Variants in CNTNAP4 observed in about 807,000 individuals in gnomAD.
The protein encoded by CNTNAP4 is contactin associated protein family member 4.
In CNTNAP4, 98 loss-of-function variants were observed where a neutral mutation model predicts 148.4. The ratio of observed to expected loss-of-function variants is 0.66; its 90% CI spans 0.56 to 0.78. The LOEUF (loss-of-function observed/expected upper bound fraction) is 0.78. CNTNAP4 is among the 30% of genes least tolerant of loss of function. The pLI is 0.00. For missense variants in CNTNAP4, 1,935 were observed against 1,565.6 expected, an observed-to-expected ratio of 1.24 and a Z score of -3.98; for synonymous variants, 730 against 565.1, an observed-to-expected ratio of 1.29 and a Z score of -4.14.
At chr16:76,528,882 G>A (rs12932312) in intron 17 of CNTNAP4, among the ~76,000 whole-genome samples, 30,197 of 152,112 alleles carry the variant, frequency 0.2, 3,114 homozygotes, top group Non-Finnish European at 0.22. Flanking sequence ...TACATCACCC[G>A]AGCAATACAG....
chr16:76,501,457 C>T (rs1465152635), intron 15 of CNTNAP4, among the ~76,000 whole-genome samples: 2 of 152,160 alleles, frequency 1.3e-5, no homozygotes, highest in African/African-American at 4.8e-5. Flanking sequence ...TTTCTTTCTC[C>T]CAGACTTCCT....
chr16:76,503,194 T>G (rs1270525309), intron 15 of CNTNAP4, among the ~76,000 whole-genome samples: 4 of 152,130 alleles, frequency 2.6e-5, no homozygotes, highest in African/African-American at 9.7e-5. Flanking sequence ...CCCTTTAAGT[T>G]CAGGATAAAG....
At chr16:76,438,224 A>C (rs2079906730) in intron 4 of CNTNAP4, among the ~76,000 whole-genome samples, 1 of 152,108 alleles carries the variant, frequency 6.6e-6, no homozygotes, top group African/African-American at 2.4e-5. Context: ...CTGCAGACAC[A>C]TTTCCCTCAG....
Position 76,328,901 on chromosome 16 carries a change from G to A in CNTNAP4, c.196+12378G>A, listed in dbSNP as rs59957582. Among the ~76,000 whole-genome samples, 1,208 of 152,180 alleles carry A rather than the reference G, an allele frequency of 7.9e-3. 5 individuals are homozygous for A. Among genetic ancestry groups the A allele is most frequent in the African/African-American group, 0.028 (1,148 of 41,510 alleles). Reference sequence around the variant, plus strand: ...CTCAGGTGATCCACCTGCCTCAGCCGCCCAAAGTGCTGGGCGTGAGCCACT... The same window carrying A: ...CTCAGGTGATCCACCTGCCTCAGCCACCCAAAGTGCTGGGCGTGAGCCACT... On this transcript the variant is annotated intron_variant, in intron 2 of 23. Transcript: ENST00000611870.
chr16:76,452,017 T>G (rs757976981), intron 7 of CNTNAP4, among the ~76,000 whole-genome samples: 1 of 151,846 alleles, frequency 6.6e-6, no homozygotes, highest in African/African-American at 2.4e-5. Context: ...ACAACTATTA[T>G]GTATCACTAA....
chr16:76,497,664 G>C (rs2879778), intron 14 of CNTNAP4, among the ~76,000 whole-genome samples: 17 of 151,190 alleles, frequency 1.1e-4, no homozygotes, highest in Admixed American at 7.2e-4. Flanking sequence ...AAGGACATGG[G>C]GGGGAACATC....
chr16:76,464,004 G>A (rs2081082548), intron 9 of CNTNAP4, among the ~76,000 whole-genome samples: 2 of 151,968 alleles, frequency 1.3e-5, no homozygotes, highest in African/African-American at 2.4e-5. Context: ...CTTGACCTTG[G>A]CATGAGATTC....
At chr16:76,410,485 G>A (rs748060544) in intron 3 of CNTNAP4, among the ~76,000 whole-genome samples, 1 of 151,652 alleles carries the variant, frequency 6.6e-6, no homozygotes, top group Non-Finnish European at 1.5e-5. Flanking sequence ...ATCTGGCAGT[G>A]TTTCAAAAGG....
chr16:76,443,628 GAGTA>G (rs1332035577), intron 4 of CNTNAP4, among the ~76,000 whole-genome samples: 1 of 152,066 alleles, frequency 6.6e-6, no homozygotes, highest in African/African-American at 2.4e-5. Flanking sequence ...CAAAAGATAG[GAGTA>G]AGTATGATAT....
At chr16:76,540,471 A>T (rs907031245) in intron 20 of CNTNAP4, among the ~76,000 whole-genome samples, 1 of 151,828 alleles carries the variant, frequency 6.6e-6, no homozygotes, top group African/African-American at 2.4e-5. Context: ...CTGGCATCTG[A>T]GGGTAGTATA....
chr16:76,414,604 A>AT (rs1210873234), intron 3 of CNTNAP4, among the ~76,000 whole-genome samples: 3 of 151,218 alleles, frequency 2.0e-5, no homozygotes, highest in Non-Finnish European at 4.5e-5. Flanking sequence ...TACTGGTGTG[A>AT]TTTTGTCCTT....
At chr16:76,474,400 A>G (rs1277875765) in intron 10 of CNTNAP4, among the ~76,000 whole-genome samples, 1 of 152,204 alleles carries the variant, frequency 6.6e-6, no homozygotes, top group Non-Finnish European at 1.5e-5. Context: ...TGTAGTCCGC[A>G]AGAAACCTAT....
intron 8 of CNTNAP4, among the ~76,000 whole-genome samples, chr16:76,460,133 G>A (rs1002194700): frequency 4.6e-5 from 7 of 151,852 alleles, no homozygotes; most frequent in Admixed American, 3.9e-4. Flanking sequence ...CTGAGATGGA[G>A]TTTCACTCTT....
At chr16:76,529,733 A>G (rs2083890319) in intron 17 of CNTNAP4, among the ~76,000 whole-genome samples, 1 of 152,222 alleles carries the variant, frequency 6.6e-6, no homozygotes, top group Non-Finnish European at 1.5e-5. Flanking sequence ...CATGGAATCT[A>G]TAAATATTTA....
At chr16:76,437,718 C>A (rs917495360) in intron 4 of CNTNAP4, among the ~76,000 whole-genome samples, 2 of 151,966 alleles carry the variant, frequency 1.3e-5, no homozygotes, top group Non-Finnish European at 2.9e-5. Context: ...ACTTGAACCT[C>A]CAGGTAACCA....
In CNTNAP4 at chr16:76,540,801, G is replaced by C. The variant is rs1335748318; in HGVS notation, c.3442+11G>C. 6.5e-7 allele frequency: 1 copy of C among 1,537,958 alleles called. No homozygotes were observed. Among genetic ancestry groups the C allele is most frequent in the Non-Finnish European group, 8.8e-7 (1 of 1,132,880 alleles). ...TGGGCAGGATTTTAGGTAAGTGAAA[G>C]AAACAACCTTTCCCCTAACCATGCT... On this transcript the variant is annotated intron_variant, in intron 21 of 23. Transcript: ENST00000611870.
intron 3 of CNTNAP4, among the ~76,000 whole-genome samples, chr16:76,397,945 CATATATATAT>C (rs71134756): frequency 8.3e-5 from 2 of 24,134 alleles, no homozygotes; most frequent in African/African-American, 2.4e-4. Flanking sequence ...AGATTATATA[CATATATATAT>C]ATATATATAT....
rs546266321 is a variant in CNTNAP4 at position 76,552,640 on chromosome 16, A to G, written c.3443-643A>G. On this transcript the variant is annotated intron_variant, in intron 21 of 23. Coordinates refer to ENST00000611870, the MANE Select transcript of CNTNAP4 (RefSeq NM_033401.5). Reference sequence around the variant, plus strand: ...CCAGTGACAAGTTGTCATTGAAACAAGAAGAAAAGACATAGGGGTATAAAG... The same window carrying G: ...CCAGTGACAAGTTGTCATTGAAACAGGAAGAAAAGACATAGGGGTATAAAG... Among the ~76,000 whole-genome samples, 39 of 152,338 alleles carry G rather than the reference A, an allele frequency of 2.6e-4. No homozygotes were observed. In the Middle Eastern group the frequency reaches 0.01, roughly 40 times the overall value.
intron 13 of CNTNAP4, among the ~76,000 whole-genome samples, chr16:76,493,741 T>C (rs2082307880): frequency 6.6e-6 from 1 of 152,210 alleles, no homozygotes; most frequent in Non-Finnish European, 1.5e-5. Flanking sequence ...CGAAGATTCT[T>C]CATATTAATG....
Sources: allele counts gnomAD v4.1 joint callset (sites outside exome capture counted in the v4.1 genomes callset), GRCh38; gene constraint gnomAD v4.1.1; transcripts MANE v1.5; gene names NCBI Gene and HGNC (gene_info 2026-07-23, HGNC 2026-07-21).